DNAH8: variants seen among roughly 807,000 people sequenced by gnomAD.
DNAH8 encodes axonemal beta dynein heavy chain 8.
Under a neutral mutation model 562.1 loss-of-function variants are expected in DNAH8, and 382 were observed. That is an observed-to-expected ratio of 0.68 (90% CI 0.63 to 0.74). DNAH8 has a LOEUF of 0.74. Ranked by LOEUF, DNAH8 falls within the 30% of genes least tolerant of loss-of-function variation. DNAH8 has a pLI of 0.00. For synonymous variants in DNAH8, 1,881 were observed against 1,919.4 expected, an observed-to-expected ratio of 0.98 and a Z score of 0.52; for missense variants, 5,203 against 5,620.4, an observed-to-expected ratio of 0.93 and a Z score of 2.37.
chr6:38,988,409 T>TCG (rs1764551205), intron 87 of DNAH8, among the ~76,000 whole-genome samples: 1 of 152,234 alleles, frequency 6.6e-6, no homozygotes, highest in African/African-American at 2.4e-5. Flanking sequence ...CAGAATTCAG[T>TCG]GTGGTTATTT....
At chr6:38,767,190 A>G (rs1767089155) in intron 11 of DNAH8, among the ~76,000 whole-genome samples, 1 of 152,078 alleles carries the variant, frequency 6.6e-6, no homozygotes, top group South Asian at 2.1e-4. Context: ...TAATCCCAGC[A>G]CTTTGGGAGG....
rs367796171 is a variant in DNAH8, at chr6:38,833,678, A to T, written c.4303-901A>T. 8.7e-4 allele frequency among the ~76,000 whole-genome samples: 133 copies of T among 152,308 alleles called. 2 individuals are homozygous for T. In the South Asian group the frequency reaches 0.027, roughly 31 times the overall value. On this transcript the variant is annotated intron_variant, in intron 31 of 92. Coordinates refer to ENST00000327475, the MANE Select transcript of DNAH8 (RefSeq NM_001206927.2). ...CAACTTTATAAATGAAACCAATAAA[A>T]TGTTTTCTTTGCATTACTTCTGTGC...
intron 21 of DNAH8, among the ~76,000 whole-genome samples, chr6:38,797,767 A>G (rs1021214451): frequency 2.0e-5 from 3 of 152,070 alleles, no homozygotes; most frequent in Admixed American, 6.6e-5. Flanking sequence ...TTCCCACCTT[A>G]AAAAGTTTAA....
chr6:38,999,595 T>C (rs1765349591), intron 88 of DNAH8, among the ~76,000 whole-genome samples: 1 of 152,026 alleles, frequency 6.6e-6, no homozygotes. Context: ...TATTTATATA[T>C]GGCACAAAAG....
intron 21 of DNAH8, among the ~76,000 whole-genome samples, chr6:38,801,108 A>G (rs74637323): frequency 0.013 from 1,974 of 152,296 alleles, 17 homozygotes; most frequent in Non-Finnish European, 0.021. Flanking sequence ...GTCACATCTA[A>G]GATAACTTTG....
chr6:38,860,746 G>C, intron 43 of DNAH8, 117 bp downstream of exon 43: 1 of 632,154 alleles, frequency 1.6e-6, no homozygotes, highest in Non-Finnish European at 2.5e-6. Context: ...GTAGATGCTA[G>C]CTCATTAAAG....
At chr6:38,725,304 T>TATA (rs10526350) in intron 3 of DNAH8, among the ~76,000 whole-genome samples, 17,552 of 135,272 alleles carry the variant, frequency 0.13, 1,307 homozygotes, top group Non-Finnish European at 0.15. Context: ...CTCCAACTCA[T>TATA]ATAATAATAA....
In DNAH8 at chr6:38,781,276, A is replaced by G; in HGVS notation, c.2162A>G (p.Asp721Gly). The change falls in exon 16 of 93, where the codon GAC becomes GGC. Residue 721 changes from aspartate to glycine, a missense_variant. Transcript: ENST00000327475. Reference sequence around the variant, plus strand: ...CAGCTTTATCATTCTCAGAAAGATGACCCCCCTCTTGCTCGCAACATGCCC... The same window carrying G: ...CAGCTTTATCATTCTCAGAAAGATGGCCCCCCTCTTGCTCGCAACATGCCC... ...TKKLYHSQKD[D>G]PPLARNMPPI... 6.2e-7 allele frequency: 1 copy of G among 1,613,588 alleles called. No individual in the cohort carries two copies. Among genetic ancestry groups the G allele is most frequent in the Non-Finnish European group, 8.5e-7 (1 of 1,179,814 alleles).
intron 53 of DNAH8, among the ~76,000 whole-genome samples, chr6:38,880,101 G>A (rs1394295164): frequency 2.0e-5 from 3 of 152,002 alleles, no homozygotes; most frequent in South Asian, 2.1e-4. Context: ...AAAAAAATTA[G>A]CCAGGTGTTG....
intron 82 of DNAH8, among the ~76,000 whole-genome samples, chr6:38,971,175 T>C (rs931241572): frequency 7.9e-5 from 12 of 152,204 alleles, no homozygotes; most frequent in African/African-American, 1.7e-4. Flanking sequence ...ATTAAATCTT[T>C]ACAGAAGCGT....
intron 88 of DNAH8, among the ~76,000 whole-genome samples, chr6:38,996,767 C>A (rs1409428083): frequency 6.6e-6 from 1 of 152,186 alleles, no homozygotes; most frequent in Non-Finnish European, 1.5e-5. Flanking sequence ...TTTCTTGCTG[C>A]AAACTGGTGT....
intron 28 of DNAH8, among the ~76,000 whole-genome samples, chr6:38,824,948 G>A (rs187085801): frequency 2.6e-5 from 4 of 152,190 alleles, no homozygotes; most frequent in East Asian, 1.9e-4. Flanking sequence ...CTTCTGTAGC[G>A]TTTTGGAAAC....
At chr6:39,027,879 G>T (rs1007941131) in intron 92 of DNAH8, among the ~76,000 whole-genome samples, 7 of 152,116 alleles carry the variant, frequency 4.6e-5, no homozygotes, top group African/African-American at 1.4e-4. Context: ...ATTTAAATGT[G>T]ATCATTTAGG....
chr6:38,770,677 C>A, intron 12 of DNAH8, 118 bp downstream of exon 12: 1 of 976,272 alleles, frequency 1.0e-6, no homozygotes, highest in Non-Finnish European at 1.4e-6. Flanking sequence ...ATTGTTATGA[C>A]TTGTCTAATA....
At chr6:38,736,684 C>T (rs1169031616) in intron 5 of DNAH8, among the ~76,000 whole-genome samples, 1 of 151,254 alleles carries the variant, frequency 6.6e-6, no homozygotes, top group East Asian at 1.9e-4. Context: ...ATTTATTCCA[C>T]CAAACTTCTA....
chr6:38,994,733 C>T (rs934786277), intron 88 of DNAH8, among the ~76,000 whole-genome samples: 1 of 150,284 alleles, frequency 6.7e-6, no homozygotes, highest in African/African-American at 2.5e-5. Context: ...CTGCAACCAC[C>T]TCCTGGGTTC....
chr6:38,866,440 AATAC>A, intron 45 of DNAH8, 147 bp from the exon 46 acceptor site: 1 of 597,000 alleles, frequency 1.7e-6, no homozygotes. Context: ...TACATGGTCT[AATAC>A]ATATTGTTTT....
At chr6:38,835,538 G>T (rs1337057791) in intron 32 of DNAH8, among the ~76,000 whole-genome samples, 1 of 152,186 alleles carries the variant, frequency 6.6e-6, no homozygotes, top group African/African-American at 2.4e-5. Context: ...CCTGAAAGAG[G>T]AAGAATCTAA....
intron 11 of DNAH8, chr6:38,763,197 T>TGGTGG: frequency 4.9e-6 from 1 of 202,818 alleles, no homozygotes; most frequent in South Asian, 6.4e-5. Context: ...ATTTGGAAAC[T>TGGTGG]CAGTTCCTTC....
Sources: allele counts gnomAD v4.1 joint callset (sites outside exome capture counted in the v4.1 genomes callset), GRCh38; gene constraint gnomAD v4.1.1; transcripts MANE v1.5; gene names NCBI Gene and HGNC (gene_info 2026-07-23, HGNC 2026-07-21).